The following GSC2 variants were observed in gnomAD, a reference collection of about 807,000 sequenced individuals.
GSC2 encodes homeobox protein goosecoid-2.
GSC2 carries 12 observed loss-of-function variants against 11.3 expected under a neutral mutation model. The ratio of observed to expected loss-of-function variants is 1.06; its 90% CI spans 0.68 to 1.72. The LOEUF is 1.72. Among genes scored for constraint, GSC2 ranks in the 40% most tolerant of loss-of-function variants. The pLI, the probability that GSC2 is intolerant of heterozygous loss-of-function variation, is 0.00. For synonymous variants in GSC2, 148 were observed against 110.0 expected, an observed-to-expected ratio of 1.35 and a Z score of -2.16; for missense variants, 310 against 235.7, an observed-to-expected ratio of 1.32 and a Z score of -2.06.
At position 19,149,049 on chromosome 22, in the gene GSC2, G is replaced by A. The variant is rs782703764; in HGVS notation, c.560C>T (p.Ala187Val). The A allele has an allele frequency of 5.6e-6, 9 of 1,601,808 alleles. No individual in the cohort carries two copies. Among genetic ancestry groups the A allele is most frequent in the East Asian group, 2.3e-5 (1 of 44,268 alleles). ...RRAKWRHQKRASASARLLPGV... is the reference protein window; with the variant it reads ...RRAKWRHQKRVSASARLLPGV... ...GGGCAGGAGCCTCGCGGAAGCCGAC[G>A]CGCGCTTCTGGTGTCGCCATTTGGC... The change falls in exon 3 of 3, where the codon GCG becomes GTG. Residue 187 changes from alanine to valine, a missense_variant. Coordinates refer to ENST00000086933, the MANE Select transcript of GSC2 (RefSeq NM_005315.2).
chr22:19,149,286 C>A (rs1205318057), intron 2 of GSC2, among the ~76,000 whole-genome samples, 191 bp from the exon 3 acceptor site: 1 of 152,164 alleles, frequency 6.6e-6, no homozygotes, highest in Non-Finnish European at 1.5e-5. Context: ...TGGGTCTGGA[C>A]GCGAGATGGG....
In GSC2 at chr22:19,150,051, C is replaced by A. The variant is rs2083819713; in HGVS notation, c.233G>T (p.Gly78Val). ...CAGCCCGGCGGCCGCCTCTGGGGGC[C>A]CGCAGGGCGCCGCGCGGGGGCCGCA... Reference protein sequence around the residue: ...CCCGPRAAPCGPPEAAAGLGA... With the variant: ...CCCGPRAAPCVPPEAAAGLGA... The change falls in exon 1 of 3, where the codon GGG becomes GTG. Residue 78 changes from glycine (G) to valine (V), a missense_variant. Coordinates refer to ENST00000086933, the MANE Select transcript of GSC2 (RefSeq NM_005315.2). 1.0e-6 allele frequency: 1 copy of A among 1,001,160 alleles called. No individual in the cohort carries two copies. The highest frequency in any genetic ancestry group is 1.8e-5 in the African/African-American group (1 of 56,996). The allele number at this position is 1,001,160 out of a possible 1,614,324, so 62.0% of individuals were successfully genotyped here.
rs1408844313 is a variant in GSC2, at chr22:19,150,071, G to A, written c.213C>T (p.Gly71=). Residue 71 remains glycine (G), a synonymous_variant, in exon 1 of 3, where the codon GGC becomes GGT. Coordinates refer to ENST00000086933, the MANE Select transcript of GSC2 (RefSeq NM_005315.2). ...AAPCACCCCC[G]PRAAPCGPPE... is the part of the protein sequence containing the mutation. Reference sequence around the variant, plus strand: ...GGGGCCCGCAGGGCGCCGCGCGGGGGCCGCAGCAGCAGCAGCAGGCGCAGG... The same window carrying A: ...GGGGCCCGCAGGGCGCCGCGCGGGGACCGCAGCAGCAGCAGCAGGCGCAGG... The A allele has an allele frequency of 1.0e-6, 1 of 999,890 alleles. No homozygotes were observed. The highest frequency in any genetic ancestry group is 1.2e-6 in the Non-Finnish European group (1 of 840,968). The allele number at this position is 999,890 out of a possible 1,614,324, so 61.9% of individuals were successfully genotyped here. A position where few individuals can be genotyped will look rare whatever the true frequency, so the allele number is the denominator to read the frequency against.
At position 19,147,753 on chromosome 22, in the gene GSC2, T is replaced by A. The variant is rs1555917640; in HGVS notation, c.*1238A>T. 6.6e-6 allele frequency among the ~76,000 whole-genome samples: 1 copy of A among 152,048 alleles called. No individual in the cohort carries two copies. ...TGGTGTTATCCAAGCTGGCCAGCCT[T>A]GGGGTGTCTGGGGAGCTGCAGCCCT... On this transcript the variant is annotated 3_prime_UTR_variant, in exon 3 of 3. Transcript: ENST00000086933.
At position 19,150,143 on chromosome 22, in the gene GSC2, G is replaced by A. The variant is rs2083820848; in HGVS notation, c.141C>T (p.Arg47=). The change falls in exon 1 of 3, where the codon CGC becomes CGT. Residue 47 remains arginine (R), a synonymous_variant. Coordinates refer to ENST00000086933, the MANE Select transcript of GSC2 (RefSeq NM_005315.2). The part of the protein sequence containing the change: ...RAACPPQPAG[R]QSPAKPEEPG... ...GCTCCTCTGGCTTCGCGGGGCTCTG[G>A]CGACCGGCGGGCTGCGGTGGGCAGG... is the stretch of plus-strand genomic sequence containing the variant. The A allele has an allele frequency of 2.2e-6, 2 of 926,586 alleles. No individual in the cohort carries two copies. Among genetic ancestry groups the A allele is most frequent in the Non-Finnish European group, 2.6e-6 (2 of 766,500 alleles). The allele number at this position is 926,586 out of a possible 1,614,324, so 57.4% of individuals were successfully genotyped here. A position where few individuals can be genotyped will look rare whatever the true frequency, so the allele number is the denominator to read the frequency against.
In GSC2 at chr22:19,150,102, G is replaced by C; in HGVS notation, c.182C>G (p.Ala61Gly). ...GCAGCAGCAGCAGGCGCAGGGCGCA[G>C]CCTCGGGCGCCCCGGGCTCCTCTGG... Reference protein sequence around the residue: ...AKPEEPGAPEAAPCACCCCCG... With the variant: ...AKPEEPGAPEGAPCACCCCCG... Residue 61 changes from alanine (A) to glycine (G), a missense_variant, in exon 1 of 3, where the codon GCT (alanine) becomes GGT (glycine). Coordinates refer to ENST00000086933, the MANE Select transcript of GSC2 (RefSeq NM_005315.2). 1 of 1,000,862 alleles carries C rather than the reference G, an allele frequency of 1.0e-6. No individual in the cohort carries two copies. Among genetic ancestry groups the C allele is most frequent in the Non-Finnish European group, 1.2e-6 (1 of 840,090 alleles). The allele number at this position is 1,000,862 out of a possible 1,614,324, so 62.0% of individuals were successfully genotyped here. A position where few individuals can be genotyped will look rare whatever the true frequency, so the allele number is the denominator to read the frequency against.
rs2083807103 is a variant in GSC2, at chr22:19,148,751, C to G, written c.*240G>C. 2.0e-6 allele frequency: 1 copy of G among 503,278 alleles called. No individual in the cohort carries two copies. Among genetic ancestry groups the G allele is most frequent in the Non-Finnish European group, 3.5e-6 (1 of 285,302 alleles). The allele number at this position is 503,278 out of a possible 1,614,324, so 31.2% of individuals were successfully genotyped here. A position where few individuals can be genotyped will look rare whatever the true frequency, so the allele number is the denominator to read the frequency against. On this transcript the variant is annotated 3_prime_UTR_variant, in exon 3 of 3. Coordinates refer to ENST00000086933, the MANE Select transcript of GSC2 (RefSeq NM_005315.2). ...GGGGGGTAGGGAGCTGAGGAAACTG[C>G]TCTATGCCCCAGCCCACCCCCAAGG...
chr22:19,150,224 GA>G lies in GSC2; in HGVS notation c.59del (p.Phe20SerfsTer75). 2.9e-6 allele frequency: 1 copy of G among 339,046 alleles called. No individual in the cohort carries two copies. The highest frequency in any genetic ancestry group is 5.5e-5 in the South Asian group (1 of 18,158). 21.0% of individuals were successfully genotyped at this position (339,046 alleles called of 1,614,324 possible). ...GGCTGGAGAGGATGTGCTCGATGGAGAAGGGGCAGGGCCGCCCGGCACCCCG... is the reference window on the plus strand; with the variant it reads ...GGCTGGAGAGGATGTGCTCGATGGAGAGGGGCAGGGCCGCCCGGCACCCCG... ...SRRGAGRPCP[F>X]SIEHILSSLP... On this transcript the variant is annotated frameshift_variant, in exon 1 of 3. Coordinates refer to ENST00000086933, the MANE Select transcript of GSC2 (RefSeq NM_005315.2). LOFTEE classifies it high-confidence loss of function.
chr22:19,147,708 C>G lies in GSC2; in HGVS notation c.*1283G>C, dbSNP rs782768818. ...CCCAGCAGTGTCAGGGCAGTTCTGACTGGGGACACCATGCTTGCTTGGTGT... is the reference window on the plus strand; with the variant it reads ...CCCAGCAGTGTCAGGGCAGTTCTGAGTGGGGACACCATGCTTGCTTGGTGT... On this transcript the variant is annotated 3_prime_UTR_variant, in exon 3 of 3. Coordinates refer to ENST00000086933, the MANE Select transcript of GSC2 (RefSeq NM_005315.2). 1.3e-5 allele frequency among the ~76,000 whole-genome samples: 2 copies of G among 152,076 alleles called. No individual in the cohort carries two copies. Among genetic ancestry groups the G allele is most frequent in the Non-Finnish European group, 2.9e-5 (2 of 67,980 alleles).
Position 19,149,780 on chromosome 22 carries a change from G to C in GSC2, c.396C>G (p.Ile132Met). 1 of 1,594,684 alleles carries C rather than the reference G, an allele frequency of 6.3e-7. No homozygotes were observed. The highest frequency in any genetic ancestry group is 1.1e-5 in the South Asian group (1 of 88,628). ...SQRRTRRHRT[I>M]FSEEQLQALE... ...GCGCCTGCAGCTGCTCTTCGCTGAA[G>C]ATGGTGCGGTGGCGCCTCGTGCGCC... Residue 132 changes from isoleucine (I) to methionine (M), a missense_variant, in exon 2 of 3, where the codon ATC becomes ATG. Coordinates refer to ENST00000086933, the MANE Select transcript of GSC2 (RefSeq NM_005315.2).
chr22:19,149,089 A>G lies in GSC2; in HGVS notation c.520T>C (p.Phe174Leu), dbSNP rs782379540. ...CGCCATTTGGCCCGGCGGTTCTTGA[A>G]CCAGACCTGGGGATGGGGGGAATGC... ...RLREERVEVW[F>L]KNRRAKWRHQ... Residue 174 changes from phenylalanine to leucine, a missense_variant, in exon 3 of 3, where the codon TTC (phenylalanine) becomes CTC (leucine). Physicochemically the swap from Phe to Leu is conservative, Grantham distance 22. Coordinates refer to ENST00000086933, the MANE Select transcript of GSC2 (RefSeq NM_005315.2). 8.4e-5 allele frequency: 132 copies of G among 1,579,388 alleles called. No individual in the cohort carries two copies. Among genetic ancestry groups the G allele is most frequent in the Non-Finnish European group, 1.1e-4 (132 of 1,160,762 alleles).
chr22:19,149,033 C>G lies in GSC2; in HGVS notation c.576G>C (p.Arg192Ser). The change falls in exon 3 of 3, where the codon AGG becomes AGC. Residue 192 changes from arginine (R) to serine (S), a missense_variant. Physicochemically the swap from Arg to Ser is moderately radical, Grantham distance 110. Transcript: ENST00000086933. Reference protein sequence around the residue: ...RHQKRASASARLLPGVKKSPK... With the variant: ...RHQKRASASASLLPGVKKSPK... ...GGGACTTCTTGACGCCGGGCAGGAG[C>G]CTCGCGGAAGCCGACGCGCGCTTCT... is the stretch of plus-strand genomic sequence containing the variant. The G allele has an allele frequency of 6.2e-7, 1 of 1,602,888 alleles. No homozygotes were observed. Among genetic ancestry groups the G allele is most frequent in the Non-Finnish European group, 8.5e-7 (1 of 1,175,064 alleles).
Position 19,147,586 on chromosome 22 carries a change from C to T in GSC2, c.*1405G>A, listed in dbSNP as rs782338599. 4.6e-5 allele frequency among the ~76,000 whole-genome samples: 7 copies of T among 152,120 alleles called. No homozygotes were observed. The highest frequency in any genetic ancestry group is 1.0e-4 in the Non-Finnish European group (7 of 68,020). The stretch of plus-strand genomic sequence containing the variant: ...GGAGCTGACTGGGACACGGGCATGT[C>T]CACAGGTAGTCTGTTCAGTCCCCAA... On this transcript the variant is annotated 3_prime_UTR_variant, in exon 3 of 3. Transcript: ENST00000086933.
chr22:19,149,941 C>A, intron 1 of GSC2, 25 bp from the exon 2 acceptor site: 1 of 1,306,974 alleles, frequency 7.7e-7, no homozygotes, highest in Non-Finnish European at 9.7e-7. Flanking sequence ...CGCGGTGAGG[C>A]GCGGGGCTGG....
Position 19,149,070 on chromosome 22 carries a change from T to C in GSC2, c.539A>G (p.Lys180Arg). 1 of 1,595,310 alleles carries C rather than the reference T, an allele frequency of 6.3e-7. No homozygotes were observed. Among genetic ancestry groups the C allele is most frequent in the Non-Finnish European group, 8.5e-7 (1 of 1,170,626 alleles). ...VEVWFKNRRA[K>R]WRHQKRASAS... ...CGACGCGCGCTTCTGGTGTCGCCAT[T>C]TGGCCCGGCGGTTCTTGAACCAGAC... The change falls in exon 3 of 3, where the codon AAA becomes AGA. Residue 180 changes from lysine to arginine, a missense_variant. Coordinates refer to ENST00000086933, the MANE Select transcript of GSC2 (RefSeq NM_005315.2).
At chr22:19,149,448 T>C (rs1408788351) in intron 2 of GSC2, among the ~76,000 whole-genome samples, 1 of 152,212 alleles carries the variant, frequency 6.6e-6, no homozygotes, top group Non-Finnish European at 1.5e-5. Flanking sequence ...AAAAGAAAAG[T>C]AGCCCTCCGG....
rs782339828 is a variant in GSC2, at chr22:19,148,665, G to A, written c.*326C>T. ...TGCGGAGAGACGCTCCACTGCGTAG[G>A]ATTCTGGGTCCCGTGTTGATACGGG... On this transcript the variant is annotated 3_prime_UTR_variant, in exon 3 of 3. Coordinates refer to ENST00000086933, the MANE Select transcript of GSC2 (RefSeq NM_005315.2). 2 of 311,390 alleles carry A rather than the reference G, an allele frequency of 6.4e-6. No homozygotes were observed. The highest frequency in any genetic ancestry group is 1.2e-5 in the Non-Finnish European group (2 of 167,918). The allele number at this position is 311,390 out of a possible 1,614,324, so 19.3% of individuals were successfully genotyped here. A position where few individuals can be genotyped will look rare whatever the true frequency, so the allele number is the denominator to read the frequency against.
rs1439889715 is a variant in GSC2 at position 19,148,422 on chromosome 22, C to T, written c.*569G>A. ...AGTTTCTCAGTATCAGCGCGAGGCT[C>T]GAAGGTGAAGGGACTGTGGAGGGGC... On this transcript the variant is annotated 3_prime_UTR_variant, in exon 3 of 3. Transcript: ENST00000086933. Among the ~76,000 whole-genome samples the T allele has an allele frequency of 6.6e-6, 1 of 152,150 alleles. No individual in the cohort carries two copies. Among genetic ancestry groups the T allele is most frequent in the Non-Finnish European group, 1.5e-5 (1 of 68,028 alleles).
intron 2 of GSC2, among the ~76,000 whole-genome samples, 190 bp downstream of exon 2, chr22:19,149,473 C>T (rs552451964): frequency 1.3e-3 from 198 of 152,376 alleles, no homozygotes; most frequent in Non-Finnish European, 2.1e-3. Flanking sequence ...TTTCCCGCGG[C>T]ACCTCCCTGC....
Sources: gnomAD v4.1 joint callset for allele counts (sites outside exome capture counted in the v4.1 genomes callset) on GRCh38, gnomAD v4.1.1 for gene constraint, MANE v1.5 for transcripts, NCBI Gene and HGNC (gene_info 2026-07-23, HGNC 2026-07-21) for gene names.